The following ERO1B variants were observed in gnomAD, a reference collection of about 807,000 sequenced individuals.
ERO1B encodes ERO1-like protein beta.
Under a neutral mutation model 75.3 loss-of-function variants are expected in ERO1B, and 49 were observed. That is an observed-to-expected ratio of 0.65 (90% confidence interval 0.52 to 0.83). The LOEUF is 0.83. ERO1B is among the 40% of genes least tolerant of loss of function. The probability of loss-of-function intolerance (pLI) is 0.00; values close to 1 mark genes in which losing one functional copy is unlikely to be tolerated. For missense variants in ERO1B, 512 were observed against 560.1 expected, an observed-to-expected ratio of 0.91 and a Z score of 0.87; for synonymous variants, 191 against 192.9, an observed-to-expected ratio of 0.99 and a Z score of 0.08.
chr1:236,245,335 TATATAC>T (rs1400469989), intron 5 of ERO1B, among the ~76,000 whole-genome samples: 10 of 31,810 alleles, frequency 3.1e-4, no homozygotes, highest in African/African-American at 5.6e-4. Flanking sequence ...CACACGTATA[TATATAC>T]GTATATATAT....
At chr1:236,231,337 A>G (rs1268521595) in intron 9 of ERO1B, among the ~76,000 whole-genome samples, 1 of 152,156 alleles carries the variant, frequency 6.6e-6, no homozygotes, top group East Asian at 1.9e-4. Context: ...TAAGTTCAAG[A>G]GATTTATTGT....
At chr1:236,273,738 C>G (rs1034371006) in intron 1 of ERO1B, among the ~76,000 whole-genome samples, 1 of 143,524 alleles carries the variant, frequency 7.0e-6, no homozygotes, top group African/African-American at 2.6e-5. Flanking sequence ...CTCAGGGGGT[C>G]GAGGTTGCAG....
intron 13 of ERO1B, among the ~76,000 whole-genome samples, chr1:236,224,270 G>GA (rs888697065): frequency 2.4e-4 from 36 of 151,998 alleles, no homozygotes; most frequent in Non-Finnish European, 3.8e-4. Context: ...TTCAGTTTTT[G>GA]AAACTACCCG....
At chr1:236,253,346 G>A in intron 3 of ERO1B, 76 bp downstream of exon 3, 1 of 851,730 alleles carries the variant, frequency 1.2e-6, no homozygotes, top group Non-Finnish European at 1.9e-6. Flanking sequence ...ACATTAGCCT[G>A]AAATAAAATA....
intron 2 of ERO1B, among the ~76,000 whole-genome samples, chr1:236,262,596 G>A (rs1236526508): frequency 6.6e-6 from 1 of 151,914 alleles, no homozygotes; most frequent in Non-Finnish European, 1.5e-5. Flanking sequence ...GTAGAGATGG[G>A]GTTTCACCAT....
intron 1 of ERO1B, among the ~76,000 whole-genome samples, chr1:236,270,716 T>C (rs1665569735): frequency 6.6e-6 from 1 of 152,206 alleles, no homozygotes; most frequent in African/African-American, 2.4e-5. Context: ...CCTGGATTTA[T>C]CTTCCAGGAA....
At chr1:236,242,139 C>A (rs1664722078) in intron 6 of ERO1B, among the ~76,000 whole-genome samples, 1 of 151,604 alleles carries the variant, frequency 6.6e-6, no homozygotes, top group South Asian at 2.1e-4. Context: ...TTATTTATAG[C>A]AAGTACTTCC....
intron 5 of ERO1B, among the ~76,000 whole-genome samples, chr1:236,247,246 C>T (rs1054097260): frequency 6.6e-6 from 1 of 152,292 alleles, no homozygotes; most frequent in East Asian, 1.9e-4. Flanking sequence ...CTGAAATCTC[C>T]AAGTGGATGT....
chr1:236,278,167 G>C (rs1375238819), intron 1 of ERO1B, among the ~76,000 whole-genome samples: 1 of 151,944 alleles, frequency 6.6e-6, no homozygotes, highest in African/African-American at 2.4e-5. Flanking sequence ...GCTTTTATTG[G>C]AAACCCAGGG....
intron 6 of ERO1B, among the ~76,000 whole-genome samples, chr1:236,238,503 A>T (rs1375260437): frequency 2.1e-5 from 3 of 142,646 alleles, no homozygotes; most frequent in African/African-American, 7.8e-5. Context: ...GCACCACTAC[A>T]CTCCACCCTG....
intron 8 of ERO1B, among the ~76,000 whole-genome samples, chr1:236,233,323 A>C (rs75462083): frequency 6.6e-6 from 1 of 150,834 alleles, no homozygotes; most frequent in Non-Finnish European, 1.5e-5. Context: ...AAAAAAAAAA[A>C]GAAGAAGGCT....
chr1:236,272,844 T>G (rs1272019546), intron 1 of ERO1B, among the ~76,000 whole-genome samples: 1 of 152,154 alleles, frequency 6.6e-6, no homozygotes, highest in Non-Finnish European at 1.5e-5. Context: ...AATGTGTGAA[T>G]TTTTCTGTGA....
At chr1:236,234,108 A>G (rs537656159) in intron 8 of ERO1B, among the ~76,000 whole-genome samples, 129 of 152,366 alleles carry the variant, frequency 8.5e-4, no homozygotes, top group Non-Finnish European at 1.3e-3. Context: ...TGGAGATAGC[A>G]GGTAAATAGC....
intron 6 of ERO1B, among the ~76,000 whole-genome samples, chr1:236,242,437 T>TATA (rs1664734943): frequency 6.6e-6 from 1 of 152,140 alleles, no homozygotes; most frequent in Admixed American, 6.5e-5. Context: ...TACCCCTTAG[T>TATA]ATAACCTCAC....
At chr1:236,263,776 TGC>T (rs1665346784) in intron 2 of ERO1B, among the ~76,000 whole-genome samples, 1 of 141,744 alleles carries the variant, frequency 7.1e-6, no homozygotes, top group Non-Finnish European at 1.5e-5. Flanking sequence ...TTATTTTGTT[TGC>T]TTTTTTTTTT....
intron 5 of ERO1B, among the ~76,000 whole-genome samples, chr1:236,247,533 G>C (rs1269003705): frequency 6.6e-6 from 1 of 152,022 alleles, no homozygotes; most frequent in African/African-American, 2.4e-5. Flanking sequence ...GTCTTATTTG[G>C]ATTACTACGA....
chr1:236,220,116 T>C (rs568068908), intron 15 of ERO1B: 1 of 151,090 alleles, frequency 6.6e-6, no homozygotes, highest in African/African-American at 2.4e-5. Context: ...AAAACACATG[T>C]TAAGAAAACC....
At chr1:236,262,219 G>T (rs958740955) in intron 2 of ERO1B, among the ~76,000 whole-genome samples, 2 of 152,158 alleles carry the variant, frequency 1.3e-5, no homozygotes, top group Admixed American at 1.3e-4. Flanking sequence ...TTTGGCAAAA[G>T]TGCCAAGAAC....
At chr1:236,234,583 G>C (rs150391078) in intron 8 of ERO1B, among the ~76,000 whole-genome samples, 4 of 152,154 alleles carry the variant, frequency 2.6e-5, no homozygotes, top group Non-Finnish European at 2.9e-5. Context: ...AGCCAGGCAC[G>C]TCTTTTTCAG....
Sources: allele counts gnomAD v4.1 joint callset (sites outside exome capture counted in the v4.1 genomes callset), GRCh38; gene constraint gnomAD v4.1.1; transcripts MANE v1.5; gene names NCBI Gene and HGNC (gene_info 2026-07-23, HGNC 2026-07-21).